Variants in CDON observed in about 807,000 individuals in gnomAD.
The protein encoded by CDON is cell adhesion associated, oncogene regulated.
Under a neutral mutation model 120.9 loss-of-function variants are expected in CDON, and 73 were observed. That is an observed-to-expected ratio of 0.60 (90% confidence interval 0.50 to 0.73). CDON has a LOEUF of 0.73. CDON is among the 30% of genes least tolerant of loss of function. The pLI, the probability that CDON is intolerant of heterozygous loss-of-function variation, is 0.00. For synonymous variants in CDON, 566 were observed against 573.5 expected, an observed-to-expected ratio of 0.99 and a Z score of 0.19; for missense variants, 1,470 against 1,587.3, an observed-to-expected ratio of 0.93 and a Z score of 1.26.
At chr11:126,013,548 G>C (rs12161769) in intron 7 of CDON, among the ~76,000 whole-genome samples, 1 of 152,078 alleles carries the variant, frequency 6.6e-6, no homozygotes, top group Admixed American at 6.5e-5. Flanking sequence ...TTTTTCCTCA[G>C]AATTTGTCCA....
chr11:126,054,422 T>G (rs917895381), intron 1 of CDON, among the ~76,000 whole-genome samples: 1 of 152,236 alleles, frequency 6.6e-6, no homozygotes, highest in Non-Finnish European at 1.5e-5. Flanking sequence ...TGATAATGCA[T>G]GTCCCAGCAT....
At chr11:126,029,887 CACACACAA>C (rs1419022590) in intron 1 of CDON, among the ~76,000 whole-genome samples, 9 of 152,196 alleles carry the variant, frequency 5.9e-5, no homozygotes, top group African/African-American at 2.2e-4. Context: ...AGAACATGCA[CACACACAA>C]ACACACAAAA....
rs1947117363 is a variant in CDON, at chr11:126,006,017, A to G, written c.1593T>C (p.Leu531=). Residue 531 remains leucine, a synonymous_variant, in exon 9 of 20, where the codon CTT becomes CTC. Coordinates refer to ENST00000531738, the MANE Select transcript of CDON (RefSeq NM_001378964.1). ...TGTCATCATTCTGAGCAGCATCAGG[A>G]AGTGTGACTGTCTCTGCTTTTGTAT... The part of the protein sequence containing the change: ...ETNTKAETVT[L]PDAAQNDDRS... 2 of 1,614,122 alleles carry G rather than the reference A, an allele frequency of 1.2e-6. No homozygotes were observed. The highest frequency in any genetic ancestry group is 2.2e-5 in the South Asian group (2 of 91,086).
chr11:125,997,231 C>T lies in CDON; in HGVS notation c.2338G>A (p.Val780Met), dbSNP rs1431664406. 2 of 1,613,668 alleles carry T rather than the reference C, an allele frequency of 1.2e-6. No individual in the cohort carries two copies. The highest frequency in any genetic ancestry group is 1.7e-6 in the Non-Finnish European group (2 of 1,179,550). ...AEDIPPSKLS[V>M]EVRSLEPGST... is the part of the protein sequence containing the mutation. ...CCTGGTTCTAAACTACGAACTTCCA[C>T]TGAAAGTTTGGAAGGAGGGATGTCT... The change falls in exon 12 of 20, where the codon GTG becomes ATG. Residue 780 changes from valine (V) to methionine (M), a missense_variant. Physicochemically the swap from Val to Met is conservative, Grantham distance 21. Coordinates refer to ENST00000531738, the MANE Select transcript of CDON (RefSeq NM_001378964.1).
chr11:125,987,538 C>T (rs1946504067), intron 15 of CDON, among the ~76,000 whole-genome samples: 1 of 152,178 alleles, frequency 6.6e-6, no homozygotes, highest in African/African-American at 2.4e-5. Context: ...GAATAGTTAA[C>T]ATTTCAAAGA....
intron 15 of CDON, among the ~76,000 whole-genome samples, chr11:125,986,775 A>C (rs2134475383): frequency 6.6e-6 from 1 of 152,186 alleles, no homozygotes; most frequent in South Asian, 2.1e-4. Context: ...CAAAAAAAAA[A>C]AAAATCTATT....
rs1343515849 is a variant in CDON, at chr11:126,010,678, T to C, written c.1215A>G (p.Pro405=). ...LEIENDGGFK[P]VIITAPVSAK... ...CACTTACTGGTGCCGTAATTATAAC[T>C]GGCTTGAATCCACCGTCTATTAAAA... Residue 405 remains proline (P), a synonymous_variant, in exon 8 of 20, where the codon CCA becomes CCG. Coordinates refer to ENST00000531738, the MANE Select transcript of CDON (RefSeq NM_001378964.1). 1.2e-6 allele frequency: 2 copies of C among 1,614,068 alleles called. No homozygotes were observed.
intron 9 of CDON, chr11:126,004,520 A>C (rs1484988423): frequency 6.0e-6 from 1 of 166,498 alleles, no homozygotes; most frequent in Non-Finnish European, 1.2e-5. Context: ...TTATATAATT[A>C]TGTATATTTC....
Position 125,989,716 on chromosome 11 carries a change from G to C in CDON, c.2694C>G (p.Thr898=). The C allele has an allele frequency of 6.2e-7, 1 of 1,613,110 alleles. No individual in the cohort carries two copies. The highest frequency in any genetic ancestry group is 8.5e-7 in the Non-Finnish European group (1 of 1,179,246). The change falls in exon 15 of 20, where the codon ACC becomes ACG. Residue 898 remains threonine (T), a synonymous_variant. Transcript: ENST00000531738. ...WHMIGHLQPE[T]SYDIKMQCFN... Reference sequence around the variant, plus strand: ...AGCATTGCATTTTAATGTCATAGGAGGTTTCTGGCTGCAGGTGGCCAATCA... The same window carrying C: ...AGCATTGCATTTTAATGTCATAGGACGTTTCTGGCTGCAGGTGGCCAATCA...
chr11:126,017,082 T>C lies in CDON; in HGVS notation c.928+6A>G. On this transcript the variant is annotated splice_donor_region_variant and intron_variant, in intron 6 of 19. Coordinates refer to ENST00000531738, the MANE Select transcript of CDON (RefSeq NM_001378964.1). Reference sequence around the variant, plus strand: ...ATTTGAAAAAAATTAAAAACTAACATCTTACCAAGTACATTAACCATGTAA... The same window carrying C: ...ATTTGAAAAAAATTAAAAACTAACACCTTACCAAGTACATTAACCATGTAA... 1 of 1,612,760 alleles carries C rather than the reference T, an allele frequency of 6.2e-7. No individual in the cohort carries two copies. Among genetic ancestry groups the C allele is most frequent in the East Asian group, 2.2e-5 (1 of 44,850 alleles).
intron 8 of CDON, among the ~76,000 whole-genome samples, chr11:126,006,816 T>C (rs1250374908): frequency 6.6e-6 from 1 of 152,094 alleles, no homozygotes; most frequent in Non-Finnish European, 1.5e-5. Flanking sequence ...ATAGGTTGCA[T>C]ACAGTCAAAG....
At chr11:126,031,789 T>C (rs1033762807) in intron 1 of CDON, among the ~76,000 whole-genome samples, 1 of 152,216 alleles carries the variant, frequency 6.6e-6, no homozygotes. Flanking sequence ...AGCCTTAAGA[T>C]GACTTCCAGT....
chr11:126,038,894 T>C (rs1045919863), intron 1 of CDON, among the ~76,000 whole-genome samples: 4 of 152,208 alleles, frequency 2.6e-5, no homozygotes, highest in Non-Finnish European at 4.4e-5. Flanking sequence ...TAAATTACCT[T>C]CTTTGCTTGA....
intron 7 of CDON, chr11:126,014,806 C>T (rs935274970): frequency 6.3e-6 from 1 of 158,434 alleles, no homozygotes. Context: ...AAGAATGCTA[C>T]CACTATTTAG....
rs771203568 is a variant in CDON at position 125,981,044 on chromosome 11, C to T, written c.3276+5G>A. The T allele has an allele frequency of 6.2e-7, 1 of 1,614,100 alleles. No individual in the cohort carries two copies. Among genetic ancestry groups the T allele is most frequent in the Non-Finnish European group, 8.5e-7 (1 of 1,179,986 alleles). ...GGGGCTTTTATTTATAGTTAGGTCT[C>T]TTACATTCACTAGATGATGAGGATG... On this transcript the variant is annotated splice_donor_5th_base_variant and intron_variant, in intron 17 of 19. Transcript: ENST00000531738.
chr11:125,990,552 T>C (rs1192027803), intron 14 of CDON, among the ~76,000 whole-genome samples: 1 of 152,198 alleles, frequency 6.6e-6, no homozygotes, highest in African/African-American at 2.4e-5. Flanking sequence ...AATTAACTCT[T>C]CAAGCACCCT....
At chr11:125,976,798 G>A (rs1946162256) in intron 18 of CDON, among the ~76,000 whole-genome samples, 1 of 152,146 alleles carries the variant, frequency 6.6e-6, no homozygotes, top group Admixed American at 6.5e-5. Context: ...ATTATGTTGG[G>A]AGCAATCTTA....
intron 3 of CDON, 28 bp from the exon 4 acceptor site, chr11:126,019,793 A>G (rs763267218): frequency 1.9e-6 from 3 of 1,576,238 alleles, no homozygotes; most frequent in African/African-American, 1.3e-5. Context: ...ACAGATAAAT[A>G]AATACATGCA....
intron 12 of CDON, among the ~76,000 whole-genome samples, chr11:125,996,773 G>A (rs1946799467): frequency 6.6e-6 from 1 of 151,244 alleles, no homozygotes; most frequent in Non-Finnish European, 1.5e-5. Flanking sequence ...CTCTGAATGG[G>A]TGAATTTTAG....
Sources: gnomAD v4.1 joint callset for allele counts (sites outside exome capture counted in the v4.1 genomes callset) on GRCh38, gnomAD v4.1.1 for gene constraint, MANE v1.5 for transcripts, NCBI Gene and HGNC (gene_info 2026-07-23, HGNC 2026-07-21) for gene names.